NUDCD1: variants seen among roughly 807,000 people sequenced by gnomAD.
NUDCD1 encodes the protein nudC domain-containing protein 1.
A neutral mutation model predicts 67.8 loss-of-function variants in NUDCD1; 60 were observed. The ratio of observed to expected loss-of-function variants is 0.88; its 90% CI spans 0.72 to 1.10. The LOEUF (loss-of-function observed/expected upper bound fraction) is 1.10. Ranked by LOEUF, NUDCD1 falls within the 50% of genes least tolerant of loss-of-function variation. NUDCD1 has a pLI of 0.00. For missense variants in NUDCD1, 643 were observed against 695.0 expected, an observed-to-expected ratio of 0.93 and a Z score of 0.84; for synonymous variants, 244 against 230.8, an observed-to-expected ratio of 1.06 and a Z score of -0.52.
At chr8:109,305,696 T>C (rs1478140650) in intron 2 of NUDCD1, among the ~76,000 whole-genome samples, 2 of 152,110 alleles carry the variant, frequency 1.3e-5, no homozygotes, top group African/African-American at 4.8e-5. Flanking sequence ...AGACAGGAAA[T>C]TCACCAGGCT....
chr8:109,292,290 AAAG>A, intron 4 of NUDCD1, among the ~76,000 whole-genome samples: 1 of 152,112 alleles, frequency 6.6e-6, no homozygotes, highest in South Asian at 2.1e-4. Flanking sequence ...ATATCTAATT[AAAG>A]TTTAAAGTTA....
At position 109,313,260 on chromosome 8, in the gene NUDCD1, G is replaced by T. The variant is rs117035934; in HGVS notation, c.273+9049C>A. Among the ~76,000 whole-genome samples the T allele has an allele frequency of 9.0e-3, 1,376 of 152,208 alleles. 10 individuals carry two copies. Among genetic ancestry groups the T allele is most frequent in the Non-Finnish European group, 0.014 (969 of 68,018 alleles). The stretch of plus-strand genomic sequence containing the variant: ...TCTGGAGAGCATTGGCAGGCAAATG[G>T]TTAACTATGGAGCATCCACCCTATA... On this transcript the variant is annotated intron_variant, in intron 2 of 9. Coordinates refer to ENST00000239690, the MANE Select transcript of NUDCD1 (RefSeq NM_032869.4).
intron 9 of NUDCD1, among the ~76,000 whole-genome samples, chr8:109,244,851 A>T (rs1460403113): frequency 1.3e-5 from 2 of 152,138 alleles, no homozygotes; most frequent in Admixed American, 6.5e-5. Context: ...ACCGCTTTCC[A>T]TAAGTATTTT....
chr8:109,267,605 T>A (rs1375254540), intron 8 of NUDCD1, among the ~76,000 whole-genome samples: 1 of 152,068 alleles, frequency 6.6e-6, no homozygotes. Context: ...AAAAAGAAAG[T>A]TTGGTTTAAA....
intron 8 of NUDCD1, among the ~76,000 whole-genome samples, chr8:109,269,582 A>G (rs974165854): frequency 4.6e-5 from 7 of 152,174 alleles, no homozygotes; most frequent in African/African-American, 1.7e-4. Context: ...CTGCTAGAAT[A>G]CACTTTCCCC....
chr8:109,291,219 G>A (rs994221775), intron 4 of NUDCD1, among the ~76,000 whole-genome samples: 9 of 152,146 alleles, frequency 5.9e-5, no homozygotes, highest in African/African-American at 9.7e-5. Context: ...GCAGTGGCAC[G>A]ATCACTGCTC....
chr8:109,310,810 C>CTTTT (rs59611956), intron 2 of NUDCD1, among the ~76,000 whole-genome samples: 62 of 75,186 alleles, frequency 8.2e-4, no homozygotes, highest in African/African-American at 2.0e-3. Context: ...ATAGACAATT[C>CTTTT]TTTTTTTTTT....
chr8:109,329,794 G>A, intron 1 of NUDCD1: 1 of 1,548,670 alleles, frequency 6.5e-7, no homozygotes, highest in Non-Finnish European at 8.7e-7. Context: ...ACAAATTTAT[G>A]TCCTACTTAC....
intron 1 of NUDCD1, chr8:109,330,075 T>C (rs1260812003): frequency 2.7e-6 from 1 of 376,328 alleles, no homozygotes; most frequent in Non-Finnish European, 4.6e-6. Context: ...CTGGGAAACA[T>C]ATAAAAACAT....
At position 109,243,090 on chromosome 8, in the gene NUDCD1, T is replaced by TA; in HGVS notation, c.1670dup (p.Leu557PhefsTer8). On this transcript the variant is annotated frameshift_variant, in exon 10 of 10. Transcript: ENST00000239690. LOFTEE classifies it high-confidence loss of function. Reference sequence around the variant, plus strand: ...ATCTCTCATTTGTTGCCTGAAATCCTAAAATAGGATCATTGGTTTCTAGGC... The same window carrying TA: ...ATCTCTCATTTGTTGCCTGAAATCCTAAAAATAGGATCATTGGTTTCTAGGC... 1 of 1,613,550 alleles carries TA rather than the reference T, an allele frequency of 6.2e-7. No individual in the cohort carries two copies. Among genetic ancestry groups the TA allele is most frequent in the Non-Finnish European group, 8.5e-7 (1 of 1,179,530 alleles).
At chr8:109,295,072 A>G (rs552081534) in intron 3 of NUDCD1, among the ~76,000 whole-genome samples, 27 of 152,238 alleles carry the variant, frequency 1.8e-4, no homozygotes, top group African/African-American at 3.4e-4. Context: ...AAGAAGGCAC[A>G]AGGTAGAATT....
chr8:109,252,301 T>A (rs1813639261), intron 8 of NUDCD1, among the ~76,000 whole-genome samples: 1 of 152,162 alleles, frequency 6.6e-6, no homozygotes. Context: ...AGACTTCTAA[T>A]AACCTGGATG....
chr8:109,322,376 G>T lies in NUDCD1; in HGVS notation c.206C>A (p.Ser69Ter). ...ATAGTAGACACTGTCTTGATACCAT[G>T]AATCACAGTGCAGGTAATTATACAT... ...FGMYNYLHCDSWYQDSVYYID... is the reference protein window; with the variant it reads ...FGMYNYLHCD The change falls in exon 2 of 10, where the codon TCA (serine) becomes TAA (stop). Residue 69 changes from serine to a stop codon, truncating the protein, a stop_gained. Transcript: ENST00000239690. LOFTEE classifies it high-confidence loss of function. 1 of 1,589,284 alleles carries T rather than the reference G, an allele frequency of 6.3e-7. No homozygotes were observed. The highest frequency in any genetic ancestry group is 8.6e-7 in the Non-Finnish European group (1 of 1,158,358).
chr8:109,330,966 C>T (rs1166942114), intron 1 of NUDCD1, among the ~76,000 whole-genome samples: 1 of 151,864 alleles, frequency 6.6e-6, no homozygotes, highest in Non-Finnish European at 1.5e-5. Context: ...GATGGGTTGA[C>T]GGGTGCAGCA....
At chr8:109,329,591 T>C (rs751627975) in intron 1 of NUDCD1, among the ~76,000 whole-genome samples, 61 of 152,288 alleles carry the variant, frequency 4.0e-4, no homozygotes, top group Non-Finnish European at 7.4e-4. Context: ...ACTGTCAACC[T>C]AGAATGCAGA....
At chr8:109,260,155 C>T (rs1813831500) in intron 8 of NUDCD1, among the ~76,000 whole-genome samples, 1 of 152,212 alleles carries the variant, frequency 6.6e-6, no homozygotes, top group Non-Finnish European at 1.5e-5. Context: ...AGGGAAATGT[C>T]TGCAACAATT....
At chr8:109,325,232 T>C (rs1815651742) in intron 1 of NUDCD1, among the ~76,000 whole-genome samples, 1 of 152,100 alleles carries the variant, frequency 6.6e-6, no homozygotes, top group African/African-American at 2.4e-5. Flanking sequence ...GGTTGCTTAA[T>C]GGGTACAAAC....
At chr8:109,299,412 G>A (rs995056997) in intron 2 of NUDCD1, among the ~76,000 whole-genome samples, 2 of 152,136 alleles carry the variant, frequency 1.3e-5, no homozygotes, top group Non-Finnish European at 2.9e-5. Context: ...TGTTGGCAAA[G>A]GCATGTTGGG....
chr8:109,332,268 G>C (rs1438522233), intron 1 of NUDCD1, among the ~76,000 whole-genome samples: 3 of 152,180 alleles, frequency 2.0e-5, no homozygotes, highest in East Asian at 1.9e-4. Context: ...GAGGCTACTA[G>C]AGTTCAGGTA....
Sources: allele counts gnomAD v4.1 joint callset (sites outside exome capture counted in the v4.1 genomes callset), GRCh38; gene constraint gnomAD v4.1.1; transcripts MANE v1.5; gene names NCBI Gene and HGNC (gene_info 2026-07-23, HGNC 2026-07-21).